CNKSR2: variants seen among roughly 807,000 people sequenced by gnomAD.
The protein encoded by CNKSR2 is connector enhancer of kinase suppressor of Ras 2.
CNKSR2 carries 14 observed loss-of-function variants against 84.4 expected under a neutral mutation model. The ratio of observed to expected loss-of-function variants is 0.17; its 90% confidence interval spans 0.11 to 0.26. CNKSR2 has a LOEUF of 0.26. Ranked by LOEUF, CNKSR2 falls within the 10% of genes least tolerant of loss-of-function variation. The probability of loss-of-function intolerance (pLI) is 1.00; values close to 1 mark genes in which losing one functional copy is unlikely to be tolerated. For missense variants in CNKSR2, 485 were observed against 771.2 expected (o/e 0.63, Z 4.40); for synonymous variants, 275 against 277.9 (o/e 0.99, Z 0.10).
At chrX:21,386,170 T>C (rs998709828) in intron 1 of CNKSR2, among the ~76,000 whole-genome samples, 2 of 111,596 alleles carry the variant, frequency 1.8e-5, no homozygotes, top group African/African-American at 6.5e-5. Flanking sequence ...TAATGATGTT[T>C]TGTTAAGATT....
At position 21,448,857 on chromosome X, in the gene CNKSR2, A is replaced by T. The variant is rs748846740; in HGVS notation, c.519+8076A>T. Among the ~76,000 whole-genome samples, 3 of 112,142 alleles carry T rather than the reference A, an allele frequency of 2.7e-5. No individual in the cohort carries two copies. The East Asian group carries it at 8.4e-4, about 31-fold the overall frequency. On this transcript the variant is annotated intron_variant, in intron 4 of 21. Transcript: ENST00000379510. ...GGGTCAGAATGACCACCAACATCAG[A>T]TAGGTAATTCAAATAAAATTAGGCC...
intron 1 of CNKSR2, among the ~76,000 whole-genome samples, chrX:21,391,835 A>G (rs1341590801): frequency 1.8e-5 from 2 of 111,895 alleles, no homozygotes; most frequent in East Asian, 5.6e-4. Context: ...TCCCTTTTAA[A>G]TATAAGTTCC....
chrX:21,566,493 T>C (rs745978448), intron 13 of CNKSR2, among the ~76,000 whole-genome samples: 4 of 111,879 alleles, frequency 3.6e-5, no homozygotes, highest in Non-Finnish European at 7.5e-5. Flanking sequence ...GATGAACCAC[T>C]AATCTTCATT....
chrX:21,488,836 A>C (rs1160781406), intron 5 of CNKSR2, among the ~76,000 whole-genome samples: 1 of 110,975 alleles, frequency 9.0e-6, no homozygotes, highest in Non-Finnish European at 1.9e-5. Flanking sequence ...TTTATTTCTA[A>C]ATACGGTAGC....
At chrX:21,632,990 TACAC>T (rs200936630) in intron 20 of CNKSR2, among the ~76,000 whole-genome samples, 4,388 of 100,530 alleles carry the variant, frequency 0.044, 85 homozygotes, top group African/African-American at 0.074. Context: ...TTATATAATA[TACAC>T]ACACACACAC....
chrX:21,531,421 A>C (rs2091885136), intron 10 of CNKSR2, among the ~76,000 whole-genome samples: 1 of 111,276 alleles, frequency 9.0e-6, no homozygotes, highest in African/African-American at 3.3e-5. Flanking sequence ...AGTTAACATT[A>C]TTACCATTAT....
intron 10 of CNKSR2, among the ~76,000 whole-genome samples, chrX:21,529,325 A>G (rs971433367): frequency 2.7e-5 from 3 of 111,323 alleles, no homozygotes; most frequent in Admixed American, 9.6e-5. Flanking sequence ...TTGGCATTTT[A>G]TTATATGTCT....
chrX:21,409,228 T>TTATATATATA (rs57301315), intron 1 of CNKSR2, among the ~76,000 whole-genome samples: 6 of 38,451 alleles, frequency 1.6e-4, no homozygotes, highest in African/African-American at 3.5e-4. Flanking sequence ...AATGAAAAAA[T>TTATATATATA]TATATATATA....
chrX:21,560,593 G>A (rs1438227557), intron 11 of CNKSR2, among the ~76,000 whole-genome samples: 2 of 110,865 alleles, frequency 1.8e-5, no homozygotes, highest in Admixed American at 9.6e-5. Flanking sequence ...GTGAGTCTCC[G>A]CTTTTCATTC....
intron 1 of CNKSR2, among the ~76,000 whole-genome samples, chrX:21,404,103 T>G (rs2146993792): frequency 8.9e-6 from 1 of 111,839 alleles, no homozygotes; most frequent in South Asian, 3.7e-4. Flanking sequence ...ATCACTTACC[T>G]TTCATAGAAT....
Position 21,395,413 on chromosome X carries a change from G to A in CNKSR2, c.64+20452G>A, listed in dbSNP as rs187715525. 3.9e-3 allele frequency among the ~76,000 whole-genome samples: 431 copies of A among 111,762 alleles called. 1 individual carries two copies. The highest frequency in any genetic ancestry group is 6.5e-3 in the Non-Finnish European group (345 of 52,935). On this transcript the variant is annotated intron_variant, in intron 1 of 21. Coordinates refer to ENST00000379510, the MANE Select transcript of CNKSR2 (RefSeq NM_014927.5). The stretch of plus-strand genomic sequence containing the variant: ...GATATTGACATGTTTCTAAACGACA[G>A]TGGATAGTAAGATGTCAGATTTTAT...
intron 1 of CNKSR2, among the ~76,000 whole-genome samples, chrX:21,385,154 TA>T (rs2089950803): frequency 8.9e-6 from 1 of 111,851 alleles, no homozygotes; most frequent in Non-Finnish European, 1.9e-5. Flanking sequence ...ATAGTACAGG[TA>T]AGAGCACTTT....
At chrX:21,417,563 A>G (rs1334815652) in intron 1 of CNKSR2, among the ~76,000 whole-genome samples, 2 of 111,449 alleles carry the variant, frequency 1.8e-5, no homozygotes, top group African/African-American at 6.5e-5. Flanking sequence ...CTTTAGCTTC[A>G]TTTGATATTT....
chrX:21,570,307 C>T (rs772903371), intron 13 of CNKSR2, among the ~76,000 whole-genome samples: 3 of 112,889 alleles, frequency 2.7e-5, no homozygotes, highest in Non-Finnish European at 3.8e-5. Context: ...TGTTACTTCA[C>T]CTTGCACTTT....
chrX:21,470,603 C>A (rs1435938347), intron 4 of CNKSR2, 163 bp from the exon 5 acceptor site: 2 of 272,484 alleles, frequency 7.3e-6, no homozygotes, highest in African/African-American at 5.7e-5. Flanking sequence ...TCAGAGCTAA[C>A]CATTATTAAT....
intron 20 of CNKSR2, among the ~76,000 whole-genome samples, chrX:21,628,514 T>C (rs2092634054): frequency 8.9e-6 from 1 of 111,867 alleles, no homozygotes; most frequent in Non-Finnish European, 1.9e-5. Context: ...TCCAGGCGTT[T>C]CCATACATCT....
intron 13 of CNKSR2, among the ~76,000 whole-genome samples, chrX:21,569,854 A>G (rs2092270963): frequency 1.8e-5 from 2 of 112,516 alleles, no homozygotes; most frequent in South Asian, 7.3e-4. Context: ...TTGGTTGACC[A>G]GGTACATTGT....
At chrX:21,587,663 G>T (rs1358019425) in intron 13 of CNKSR2, among the ~76,000 whole-genome samples, 2 of 112,098 alleles carry the variant, frequency 1.8e-5, no homozygotes, top group Non-Finnish European at 3.8e-5. Flanking sequence ...GATGATACAG[G>T]ATGATAAATT....
intron 5 of CNKSR2, among the ~76,000 whole-genome samples, chrX:21,473,739 G>T (rs867296881): frequency 1.2e-5 from 1 of 85,626 alleles, no homozygotes; most frequent in African/African-American, 7.4e-5. Context: ...TGTTGTTGTT[G>T]GTTTGGTTTT....
Sources: allele counts gnomAD v4.1 joint callset (sites outside exome capture counted in the v4.1 genomes callset), GRCh38; gene constraint gnomAD v4.1.1; transcripts MANE v1.5; gene names NCBI Gene and HGNC (gene_info 2026-07-23, HGNC 2026-07-21).